Variants in SRRM4 observed in about 807,000 individuals in gnomAD.
The protein encoded by SRRM4 is serine/arginine repetitive matrix 4.
SRRM4 carries 33 observed loss-of-function variants against 68.9 expected under a neutral mutation model. The ratio of observed to expected loss-of-function variants is 0.48; its 90% confidence interval spans 0.36 to 0.64. SRRM4 has a LOEUF of 0.64. Ranked by LOEUF, SRRM4 falls within the 30% of genes least tolerant of loss-of-function variation. The pLI, the probability that SRRM4 is intolerant of heterozygous loss-of-function variation, is 0.00. For synonymous variants in SRRM4, 318 were observed against 318.8 expected, an observed-to-expected ratio of 1.00 and a Z score of 0.03; for missense variants, 817 against 827.1, an observed-to-expected ratio of 0.99 and a Z score of 0.15.
At chr12:118,999,154 A>C (rs567613043) in intron 1 of SRRM4, among the ~76,000 whole-genome samples, 1 of 152,306 alleles carries the variant, frequency 6.6e-6, no homozygotes, top group South Asian at 2.1e-4. Context: ...CCCAGCCCCC[A>C]CACTGCTGAT....
chr12:119,155,507 C>A (rs1381876327), intron 12 of SRRM4, among the ~76,000 whole-genome samples: 1 of 152,210 alleles, frequency 6.6e-6, no homozygotes, highest in East Asian at 1.9e-4. Context: ...CCAAGGCAGG[C>A]GGATTGCTGG....
chr12:119,032,772 C>G (rs1953599940), intron 1 of SRRM4, among the ~76,000 whole-genome samples: 1 of 152,128 alleles, frequency 6.6e-6, no homozygotes, highest in African/African-American at 2.4e-5. Context: ...AGGCCCAAGA[C>G]TTTTAACAGA....
intron 1 of SRRM4, among the ~76,000 whole-genome samples, chr12:119,095,193 A>G (rs1294052637): frequency 1.3e-5 from 2 of 152,214 alleles, no homozygotes; most frequent in Non-Finnish European, 2.9e-5. Flanking sequence ...CATTATTAAC[A>G]CAGCCCAGAC....
In SRRM4 at chr12:119,131,793, A is replaced by T. The variant is rs555067249; in HGVS notation, c.771+959A>T. Among the ~76,000 whole-genome samples the T allele has an allele frequency of 3.6e-3, 550 of 152,342 alleles. 5 individuals carry two copies. The highest frequency in any genetic ancestry group is 0.013 in the African/African-American group (525 of 41,582). On this transcript the variant is annotated intron_variant, in intron 8 of 12. Transcript: ENST00000267260. ...TTGTAGACTCTAAAGAGACAGACGA[A>T]CAGGAAGAGAGTCAACATTGATAGG...
intron 1 of SRRM4, among the ~76,000 whole-genome samples, chr12:119,039,926 C>T (rs1953655047): frequency 6.6e-6 from 1 of 152,108 alleles, no homozygotes; most frequent in Admixed American, 6.5e-5. Context: ...ACGCACTGCC[C>T]CACACACCAA....
chr12:119,027,685 G>C (rs879564174), intron 1 of SRRM4, among the ~76,000 whole-genome samples: 9 of 152,166 alleles, frequency 5.9e-5, no homozygotes, highest in Non-Finnish European at 1.3e-4. Flanking sequence ...CTAGACAGTG[G>C]GCAAGTATTC....
intron 1 of SRRM4, among the ~76,000 whole-genome samples, chr12:119,093,886 T>C (rs963188863): frequency 6.6e-6 from 1 of 152,190 alleles, no homozygotes; most frequent in East Asian, 1.9e-4. Flanking sequence ...AGGCAATTGA[T>C]AGGCCAGCCT....
chr12:119,133,929 G>C (rs1451033100), intron 8 of SRRM4, among the ~76,000 whole-genome samples: 1 of 152,178 alleles, frequency 6.6e-6, no homozygotes, highest in Non-Finnish European at 1.5e-5. Context: ...GCAGACAGGG[G>C]AGGGGACTGG....
chr12:119,162,284 C>T lies in SRRM4; in HGVS notation c.*5486C>T, dbSNP rs1028416364. The T allele has an allele frequency of 1.2e-4, 19 of 152,208 alleles. No homozygotes were observed. The highest frequency in any genetic ancestry group is 2.4e-4 in the African/African-American group (10 of 41,454). The allele number at this position is 152,208 out of a possible 1,614,324, so 9.4% of individuals were successfully genotyped here. On this transcript the variant is annotated 3_prime_UTR_variant, in exon 13 of 13. Coordinates refer to ENST00000267260, the MANE Select transcript of SRRM4 (RefSeq NM_194286.4). ...GAGTCCCACAGTCATATATGGGAGACCTCAAGTTGCTGTCACCTTGATAAC... is the reference window on the plus strand; with the variant it reads ...GAGTCCCACAGTCATATATGGGAGATCTCAAGTTGCTGTCACCTTGATAAC...
At chr12:119,034,998 T>A (rs1207539771) in intron 1 of SRRM4, among the ~76,000 whole-genome samples, 4 of 152,212 alleles carry the variant, frequency 2.6e-5, no homozygotes, top group Admixed American at 2.6e-4. Flanking sequence ...ATTTTCAGGC[T>A]TCTTTAAATT....
At chr12:119,108,221 T>G (rs1184706002) in intron 2 of SRRM4, among the ~76,000 whole-genome samples, 2 of 152,188 alleles carry the variant, frequency 1.3e-5, no homozygotes, top group Non-Finnish European at 2.9e-5. Flanking sequence ...TTCTGAGGAG[T>G]GCTTTACTTC....
At chr12:119,075,770 GTGGTGATGATGA>G (rs201207185) in intron 1 of SRRM4, among the ~76,000 whole-genome samples, 123,905 of 142,786 alleles carry the variant, frequency 0.87, 53,959 homozygotes, top group Middle Eastern at 0.93. Context: ...GGTGATGATG[GTGGTGATGATGA>G]TAGCGATGAT....
Position 119,088,436 on chromosome 12 carries a change from C to A in SRRM4, c.132-13800C>A, listed in dbSNP as rs542220189. ...ATTTCTTATATTGAAGTTACTGAGC[C>A]TCCTTCAATAATAATTGCAATGATA... is the stretch of plus-strand genomic sequence containing the variant. On this transcript the variant is annotated intron_variant, in intron 1 of 12. Transcript: ENST00000267260. Among the ~76,000 whole-genome samples the A allele has an allele frequency of 4.6e-5, 7 of 152,246 alleles. No individual in the cohort carries two copies. The South Asian group carries it at 1.0e-3, about 23-fold the overall frequency.
chr12:118,988,144 A>C (rs905485864), intron 1 of SRRM4, among the ~76,000 whole-genome samples: 2 of 152,042 alleles, frequency 1.3e-5, no homozygotes, highest in Admixed American at 1.3e-4. Flanking sequence ...AAAACAGCGA[A>C]GGGAGAGACC....
At chr12:119,151,954 G>C (rs1954442146) in intron 10 of SRRM4, among the ~76,000 whole-genome samples, 1 of 152,204 alleles carries the variant, frequency 6.6e-6, no homozygotes, top group African/African-American at 2.4e-5. Context: ...GAGCTGCAAA[G>C]TCACATTGCA....
intron 7 of SRRM4, 94 bp from the exon 8 acceptor site, chr12:119,130,584 C>T: frequency 7.8e-7 from 1 of 1,284,048 alleles, no homozygotes; most frequent in South Asian, 1.5e-5. Context: ...CCCCCAAACA[C>T]ACTTTATCAT....
chr12:118,981,694 G>T lies in SRRM4; in HGVS notation c.-189G>T. 1 of 622,416 alleles carries T rather than the reference G, an allele frequency of 1.6e-6. No homozygotes were observed. The highest frequency in any genetic ancestry group is 2.7e-6 in the Non-Finnish European group (1 of 367,402). The allele number at this position is 622,416 out of a possible 1,614,324, so 38.6% of individuals were successfully genotyped here. A position where few individuals can be genotyped will look rare whatever the true frequency, so the allele number is the denominator to read the frequency against. ...AGGGCGAAGAAAGCCCAGCGGACGA[G>T]CCTCCTTTCTCTGCTGCCTGCCCGG... On this transcript the variant is annotated 5_prime_UTR_variant, in exon 1 of 13. Transcript: ENST00000267260.
At chr12:119,015,042 C>T (rs904105199) in intron 1 of SRRM4, among the ~76,000 whole-genome samples, 1 of 152,074 alleles carries the variant, frequency 6.6e-6, no homozygotes, top group Non-Finnish European at 1.5e-5. Context: ...TGTGATCTGC[C>T]AATAAGATGG....
At position 119,066,737 on chromosome 12, in the gene SRRM4, G is replaced by C. The variant is rs536706809; in HGVS notation, c.132-35499G>C. 3.3e-5 allele frequency among the ~76,000 whole-genome samples: 5 copies of C among 152,290 alleles called. No individual in the cohort carries two copies. In the South Asian group the frequency reaches 1.0e-3, roughly 32 times the overall value. ...TTACCAGAAGCATTGCCTGGAGTTAGGAAGGGAACTTGTGCTGGAGAACGA... is the reference window on the plus strand; with the variant it reads ...TTACCAGAAGCATTGCCTGGAGTTACGAAGGGAACTTGTGCTGGAGAACGA... On this transcript the variant is annotated intron_variant, in intron 1 of 12. Transcript: ENST00000267260.
Sources: gnomAD v4.1 joint callset for allele counts (sites outside exome capture counted in the v4.1 genomes callset) on GRCh38, gnomAD v4.1.1 for gene constraint, MANE v1.5 for transcripts, NCBI Gene and HGNC (gene_info 2026-07-23, HGNC 2026-07-21) for gene names.